The following ATAD1 variants were observed in gnomAD, a reference collection of about 807,000 sequenced individuals.
ATAD1 encodes the protein outer mitochondrial transmembrane helix translocase.
Under a neutral mutation model 42.7 loss-of-function variants are expected in ATAD1, and 18 were observed. That is an observed-to-expected ratio of 0.42 (90% CI 0.29 to 0.63). The LOEUF is 0.63. Among genes scored for constraint, ATAD1 ranks in the 20% least tolerant of loss-of-function variants. The probability of loss-of-function intolerance (pLI) is 0.19; values close to 1 mark genes in which losing one functional copy is unlikely to be tolerated. For synonymous variants in ATAD1, 132 were observed against 143.1 expected (o/e 0.92, Z 0.55); for missense variants, 294 against 440.4 (o/e 0.67, Z 2.98).
chr10:87,834,604 A>G lies in ATAD1; in HGVS notation c.-14+6583T>C, dbSNP rs562376054. Among the ~76,000 whole-genome samples, 10 of 152,202 alleles carry G rather than the reference A, an allele frequency of 6.6e-5. No homozygotes were observed. In the South Asian group the frequency reaches 2.1e-3, roughly 32 times the overall value. On this transcript the variant is annotated intron_variant, in intron 1 of 4. Transcript: ENST00000495903. The stretch of plus-strand genomic sequence containing the variant: ...AGTATTTCCTTATTTTTAGAATACC[A>G]TTGCATTTGTAGTGATATCTTCTCT...
intron 5 of ATAD1, among the ~76,000 whole-genome samples, chr10:87,781,447 T>C (rs1301297927): frequency 6.6e-6 from 1 of 152,152 alleles, no homozygotes; most frequent in Non-Finnish European, 1.5e-5. Flanking sequence ...TACTCAAAAA[T>C]TGAATTATTT....
intron 5 of ATAD1, among the ~76,000 whole-genome samples, chr10:87,780,641 A>C (rs999189616): frequency 2.0e-5 from 3 of 152,242 alleles, no homozygotes; most frequent in Non-Finnish European, 4.4e-5. Context: ...CAAGAAACAA[A>C]GAAAAAAAAT....
At chr10:87,802,643 G>GA (rs746437720) in intron 2 of ATAD1, among the ~76,000 whole-genome samples, 1,647 of 115,332 alleles carry the variant, frequency 0.014, 25 homozygotes, top group African/African-American at 0.046. Context: ...ACTATGTCAC[G>GA]AAAAAAAAAA....
At chr10:87,826,124 A>T (rs992279991) in intron 1 of ATAD1, among the ~76,000 whole-genome samples, 2 of 151,198 alleles carry the variant, frequency 1.3e-5, no homozygotes, top group Admixed American at 6.6e-5. Flanking sequence ...TTCCCCTTTT[A>T]TTGTCATTGT....
In ATAD1 at chr10:87,756,838, C is replaced by T; in HGVS notation, c.916G>A (p.Ala306Thr). ...TATTCTCTAACACAGAGGAGGGCAG[C>T]ATCTCGACACATCTCTTTTAGGTCA... ...GSDLKEMCRD[A>T]ALLCVREYVN... Residue 306 changes from alanine to threonine, a missense_variant, in exon 9 of 10, where the codon GCT (alanine) becomes ACT (threonine). Physicochemically the swap from Ala to Thr is moderately conservative, Grantham distance 58. Around this residue, in one of 3 missense-constraint regions of ATAD1, gnomAD observed 142 missense variants for 174.6 expected, o/e 0.81. Transcript: ENST00000680024. 6.2e-7 allele frequency: 1 copy of T among 1,612,732 alleles called. No homozygotes were observed. The highest frequency in any genetic ancestry group is 8.5e-7 in the Non-Finnish European group (1 of 1,179,312).
At chr10:87,817,429 G>A (rs1247429002) in intron 1 of ATAD1, among the ~76,000 whole-genome samples, 1 of 152,150 alleles carries the variant, frequency 6.6e-6, no homozygotes, top group African/African-American at 2.4e-5. Context: ...TTATTTGTTA[G>A]GCAAATATGG....
At chr10:87,804,010 T>C (rs1329435003) in intron 2 of ATAD1, among the ~76,000 whole-genome samples, 1 of 152,198 alleles carries the variant, frequency 6.6e-6, no homozygotes, top group Non-Finnish European at 1.5e-5. Flanking sequence ...CAGTAAACCT[T>C]GGGTTTAAAA....
chr10:87,768,009 A>G (rs538170186), intron 7 of ATAD1, among the ~76,000 whole-genome samples: 1 of 151,350 alleles, frequency 6.6e-6, no homozygotes, highest in Admixed American at 6.6e-5. Flanking sequence ...CTATGACTAT[A>G]ATGTCTTCCC....
intron 1 of ATAD1, among the ~76,000 whole-genome samples, chr10:87,836,873 T>TGA (rs1857939878): frequency 6.6e-6 from 1 of 152,206 alleles, no homozygotes; most frequent in East Asian, 1.9e-4. Context: ...CCCCAATACT[T>TGA]TTTCTCTCCA....
chr10:87,761,068 G>A (rs1854461093), intron 8 of ATAD1, among the ~76,000 whole-genome samples: 1 of 149,816 alleles, frequency 6.7e-6, no homozygotes, highest in Non-Finnish European at 1.5e-5. Flanking sequence ...AAGTTCATGT[G>A]AATTTAAAAA....
rs370410616 is a variant in ATAD1 at position 87,830,419 on chromosome 10, G to A, written c.-14+10768C>T. On this transcript the variant is annotated intron_variant, in intron 1 of 4. Coordinates refer to the ATAD1 transcript ENST00000495903. ...TTTTACCTAACATGGCACCTTTTAG[G>A]AATGTAATCATCCCCACTCTCAGTT... Among the ~76,000 whole-genome samples, 11 of 152,220 alleles carry A rather than the reference G, an allele frequency of 7.2e-5. No individual in the cohort carries two copies. In the East Asian group the frequency reaches 1.9e-3, roughly 27 times the overall value.
At chr10:87,770,772 A>T (rs1854991874) in intron 7 of ATAD1, among the ~76,000 whole-genome samples, 180 bp downstream of exon 7, 1 of 135,540 alleles carries the variant, frequency 7.4e-6, no homozygotes, top group South Asian at 2.3e-4. Context: ...AGTAACACTA[A>T]TCTTAGGATA....
At chr10:87,780,370 A>G (rs1043369161) in intron 5 of ATAD1, among the ~76,000 whole-genome samples, 3 of 152,200 alleles carry the variant, frequency 2.0e-5, no homozygotes, top group African/African-American at 7.2e-5. Flanking sequence ...AATAAAAAAC[A>G]TTATGCTTTG....
intron 2 of ATAD1, among the ~76,000 whole-genome samples, chr10:87,807,926 G>C (rs1468220510): frequency 6.6e-6 from 1 of 152,030 alleles, no homozygotes; most frequent in Non-Finnish European, 1.5e-5. Context: ...AAATCTGCCA[G>C]TATTTTTGTA....
chr10:87,798,432 C>T (rs938223745), intron 2 of ATAD1, among the ~76,000 whole-genome samples: 6 of 152,116 alleles, frequency 3.9e-5, no homozygotes, highest in Non-Finnish European at 8.8e-5. Flanking sequence ...ACCCTAAGGT[C>T]GACCTACAAA....
At chr10:87,790,013 T>C (rs1044206047) in intron 4 of ATAD1, among the ~76,000 whole-genome samples, 5 of 152,182 alleles carry the variant, frequency 3.3e-5, no homozygotes, top group African/African-American at 1.2e-4. Context: ...AAAAAACTTG[T>C]ATTATGACTT....
At chr10:87,829,632 G>T (rs1416158015) in intron 1 of ATAD1, among the ~76,000 whole-genome samples, 2 of 152,150 alleles carry the variant, frequency 1.3e-5, no homozygotes, top group Non-Finnish European at 2.9e-5. Flanking sequence ...CAAGTGTTTG[G>T]AAGAAGTTGG....
chr10:87,758,732 G>C (rs1181451107), intron 8 of ATAD1, among the ~76,000 whole-genome samples: 2 of 152,108 alleles, frequency 1.3e-5, no homozygotes, highest in African/African-American at 4.8e-5. Flanking sequence ...TAATTGAGAA[G>C]TCATTATATA....
chr10:87,799,969 T>A (rs1856605597), intron 2 of ATAD1, among the ~76,000 whole-genome samples: 1 of 151,554 alleles, frequency 6.6e-6, no homozygotes. Flanking sequence ...TGAGAAAGAC[T>A]CTTATATGGT....
Sources: allele counts gnomAD v4.1 joint callset (sites outside exome capture counted in the v4.1 genomes callset), GRCh38; gene constraint gnomAD v4.1.1; regional missense constraint gnomAD v4.1.1; transcripts MANE v1.5; gene names NCBI Gene and HGNC (gene_info 2026-07-23, HGNC 2026-07-21).